The following GRM1 variants were observed in gnomAD, a reference collection of about 807,000 sequenced individuals.
The protein encoded by GRM1 is glutamate metabotropic receptor 1, also known as metabotropic glutamate receptor 1.
In GRM1, 33 loss-of-function variants were observed where a neutral mutation model predicts 90.9. The ratio of observed to expected loss-of-function variants is 0.36; its 90% confidence interval spans 0.28 to 0.49. The LOEUF (loss-of-function observed/expected upper bound fraction) is 0.49. Ranked by LOEUF, GRM1 falls within the 20% of genes least tolerant of loss-of-function variation. The pLI is 0.99. For missense variants in GRM1, 1,190 were observed against 1,534.3 expected (o/e 0.78, Z 3.75); for synonymous variants, 700 against 613.2 (o/e 1.14, Z -2.09).
At chr6:146,140,784 C>A (rs965122558) in intron 1 of GRM1, among the ~76,000 whole-genome samples, 4 of 151,928 alleles carry the variant, frequency 2.6e-5, no homozygotes, top group Non-Finnish European at 4.4e-5. Flanking sequence ...AAGTTTAAAA[C>A]CTTTTTGACT....
chr6:146,180,676 A>G (rs2114543861), intron 2 of GRM1, among the ~76,000 whole-genome samples: 1 of 152,248 alleles, frequency 6.6e-6, no homozygotes, highest in Admixed American at 6.5e-5. Flanking sequence ...AGGGATTGTA[A>G]CAACCAAATG....
intron 1 of GRM1, among the ~76,000 whole-genome samples, chr6:146,031,067 T>C (rs779235729): frequency 1.3e-5 from 2 of 152,186 alleles, no homozygotes; most frequent in Non-Finnish European, 2.9e-5. Flanking sequence ...TAAAATGCAA[T>C]AGATTAACCT....
intron 5 of GRM1, among the ~76,000 whole-genome samples, chr6:146,366,454 T>TGC: frequency 6.6e-6 from 1 of 152,162 alleles, no homozygotes; most frequent in African/African-American, 2.4e-5. Flanking sequence ...TCTATCTAAC[T>TGC]GTATTTTTAT....
chr6:146,299,839 C>G (rs1470426398), intron 2 of GRM1, among the ~76,000 whole-genome samples: 1 of 152,102 alleles, frequency 6.6e-6, no homozygotes, highest in East Asian at 1.9e-4. Context: ...ATCCACTGGG[C>G]TGTACCTGAG....
intron 1 of GRM1, among the ~76,000 whole-genome samples, chr6:146,125,833 C>T (rs545981879): frequency 6.6e-6 from 1 of 151,998 alleles, no homozygotes; most frequent in Non-Finnish European, 1.5e-5. Flanking sequence ...TTGAAGGAAG[C>T]AGCCTATTCT....
At chr6:146,280,172 C>G (rs1782515839) in intron 2 of GRM1, among the ~76,000 whole-genome samples, 1 of 152,034 alleles carries the variant, frequency 6.6e-6, no homozygotes, top group Non-Finnish European at 1.5e-5. Flanking sequence ...TTCCACCCAC[C>G]AAGACCCCAG....
rs1338878242 is a variant in GRM1, at chr6:146,159,606, C to T, written c.950+9C>T. 4 of 54,810 alleles carry T rather than the reference C, an allele frequency of 7.3e-5. No homozygotes were observed. The highest frequency in any genetic ancestry group is 1.2e-4 in the African/African-American group (1 of 8,672). 3.4% of individuals were successfully genotyped at this position (54,810 alleles called of 1,614,324 possible). ...TTCTCACTCATTGGAAGGTAAGTTT[C>T]TCTCTCTCTCTCTCTCTCTCTCTCT... On this transcript the variant is annotated intron_variant, in intron 2 of 7. Coordinates refer to ENST00000282753, the MANE Select transcript of GRM1 (RefSeq NM_001278064.2).
intron 1 of GRM1, among the ~76,000 whole-genome samples, chr6:146,156,176 C>T (rs557905115): frequency 3.8e-4 from 58 of 152,214 alleles, no homozygotes; most frequent in Admixed American, 1.6e-3. Context: ...GAGGCTGAGG[C>T]AGGTTGATCA....
chr6:146,211,965 A>G (rs1779700732), intron 2 of GRM1, among the ~76,000 whole-genome samples: 1 of 152,166 alleles, frequency 6.6e-6, no homozygotes, highest in Non-Finnish European at 1.5e-5. Context: ...AGGGCTGGCT[A>G]GGCAAATCCG....
intron 2 of GRM1, among the ~76,000 whole-genome samples, chr6:146,256,711 A>G (rs966931806): frequency 2.6e-5 from 4 of 152,048 alleles, no homozygotes; most frequent in African/African-American, 4.8e-5. Flanking sequence ...TCAAACCCCA[A>G]CACTTACTGA....
intron 2 of GRM1, among the ~76,000 whole-genome samples, chr6:146,269,855 G>T (rs879471810): frequency 6.6e-6 from 1 of 152,060 alleles, no homozygotes; most frequent in Non-Finnish European, 1.5e-5. Context: ...AGAGGACAAA[G>T]TGTGAGAGAA....
At chr6:146,082,114 T>A (rs1776382454) in intron 1 of GRM1, among the ~76,000 whole-genome samples, 1 of 152,054 alleles carries the variant, frequency 6.6e-6, no homozygotes, top group African/African-American at 2.4e-5. Flanking sequence ...ATCTCAAATC[T>A]AGAGACATTA....
At chr6:146,131,540 C>T (rs1776397562) in intron 1 of GRM1, among the ~76,000 whole-genome samples, 1 of 151,478 alleles carries the variant, frequency 6.6e-6, no homozygotes, top group South Asian at 2.1e-4. Context: ...AGAAAATACA[C>T]ACATACACAC....
At chr6:146,231,932 G>C (rs1007566033) in intron 2 of GRM1, among the ~76,000 whole-genome samples, 8 of 152,000 alleles carry the variant, frequency 5.3e-5, no homozygotes, top group African/African-American at 1.9e-4. Flanking sequence ...GCCTCATAAA[G>C]TGAATCAGGG....
intron 5 of GRM1, among the ~76,000 whole-genome samples, chr6:146,378,773 T>C (rs536637925): frequency 6.6e-6 from 1 of 152,156 alleles, no homozygotes. Flanking sequence ...GAAGGCATAA[T>C]AGGTCTTGAA....
At chr6:146,406,548 G>C (rs1224839891) in intron 7 of GRM1, among the ~76,000 whole-genome samples, 1 of 152,112 alleles carries the variant, frequency 6.6e-6, no homozygotes, top group South Asian at 2.1e-4. Flanking sequence ...AGAAGGGTAG[G>C]CTGGGCATGG....
At chr6:146,115,449 T>C (rs1775708825) in intron 1 of GRM1, among the ~76,000 whole-genome samples, 1 of 152,190 alleles carries the variant, frequency 6.6e-6, no homozygotes, top group Admixed American at 6.5e-5. Context: ...TGCTATGCAC[T>C]ACCATTCTTT....
intron 1 of GRM1, among the ~76,000 whole-genome samples, chr6:146,041,957 T>C (rs906062233): frequency 6.6e-6 from 1 of 152,006 alleles, no homozygotes; most frequent in South Asian, 2.1e-4. Flanking sequence ...AGGGCTGCTG[T>C]CTGCTTCCAA....
At chr6:146,193,361 G>T (rs886612876) in intron 2 of GRM1, among the ~76,000 whole-genome samples, 5 of 152,162 alleles carry the variant, frequency 3.3e-5, no homozygotes, top group African/African-American at 1.2e-4. Flanking sequence ...GAACCCTGGG[G>T]TACTGTGACA....
Sources: allele counts gnomAD v4.1 joint callset (sites outside exome capture counted in the v4.1 genomes callset), GRCh38; gene constraint gnomAD v4.1.1; transcripts MANE v1.5; gene names NCBI Gene and HGNC (gene_info 2026-07-23, HGNC 2026-07-21).